CTCFL: variants seen among roughly 807,000 people sequenced by gnomAD.
CTCFL encodes the protein transcriptional repressor CTCFL.
A neutral mutation model predicts 67.4 loss-of-function variants in CTCFL; 36 were observed. That is an observed-to-expected ratio of 0.53 (90% CI 0.41 to 0.71). The LOEUF (loss-of-function observed/expected upper bound fraction) is 0.71. CTCFL is among the 30% of genes least tolerant of loss of function. The pLI, the probability that CTCFL is intolerant of heterozygous loss-of-function variation, is 0.00. For missense variants in CTCFL, 786 were observed against 835.2 expected (o/e 0.94, Z 0.73); for synonymous variants, 324 against 302.3 (o/e 1.07, Z -0.75).
rs545393927 is a variant in CTCFL at position 57,504,155 on chromosome 20, T to C, written c.1675-554A>G. The stretch of plus-strand genomic sequence containing the variant: ...CCACGCCCGGCTGATTTTTTATATT[T>C]TTAGTAGAGACGGGGTTTCACCGTG... On this transcript the variant is annotated intron_variant, in intron 9 of 10. Transcript: ENST00000243914. Among the ~76,000 whole-genome samples, 11 of 151,856 alleles carry C rather than the reference T, an allele frequency of 7.2e-5. No homozygotes were observed. In the East Asian group the frequency reaches 1.9e-3, roughly 27 times the overall value.
chr20:57,501,329 A>T (rs1277227002), intron 10 of CTCFL, among the ~76,000 whole-genome samples: 1 of 148,938 alleles, frequency 6.7e-6, no homozygotes, highest in Non-Finnish European at 1.5e-5. Flanking sequence ...TTTTCTGAAG[A>T]TACGGAGCAT....
chr20:57,505,317 A>T (rs4811866), intron 9 of CTCFL, among the ~76,000 whole-genome samples: 1 of 151,384 alleles, frequency 6.6e-6, no homozygotes, highest in Admixed American at 6.6e-5. Flanking sequence ...GTGCAGTGGC[A>T]CGATCTCTGC....
chr20:57,519,214 G>A lies in CTCFL; in HGVS notation c.918C>T (p.Thr306=), dbSNP rs1371478505. The A allele has an allele frequency of 1.9e-6, 3 of 1,613,896 alleles. No individual in the cohort carries two copies. Among genetic ancestry groups the A allele is most frequent in the Non-Finnish European group, 2.5e-6 (3 of 1,179,950 alleles). ...TVTLLRNHVN[T]HTGTRPYKCN... is the part of the protein sequence containing the mutation. The stretch of plus-strand genomic sequence containing the variant: ...CCTTCCCGGCAGTTTTACCTGTGTG[G>A]GTGTTAACATGGTTCCGCAGCAGAG... The change falls in exon 4 of 11, where the codon ACC becomes ACT. Residue 306 remains threonine (T), a synonymous_variant. Transcript: ENST00000243914.
chr20:57,512,646 A>G lies in CTCFL; in HGVS notation c.1437T>C (p.Thr479=), dbSNP rs2068636858. 2 of 1,614,206 alleles carry G rather than the reference A, an allele frequency of 1.2e-6. No homozygotes were observed. The highest frequency in any genetic ancestry group is 1.7e-6 in the Non-Finnish European group (2 of 1,180,018). ...ERYALIQHQK[T]HKNEKRFKCK... is the part of the protein sequence containing the mutation. ...ACTTGAACCTCTTCTCATTCTTATG[A>G]GTTTTCTGGTGCTGAATGAGGGCAT... is the stretch of plus-strand genomic sequence containing the variant. Residue 479 remains threonine (T), a synonymous_variant, in exon 8 of 11, where the codon ACT becomes ACC. Transcript: ENST00000243914.
intron 8 of CTCFL, among the ~76,000 whole-genome samples, chr20:57,510,323 T>TA (rs2068467770): frequency 6.6e-6 from 1 of 152,230 alleles, no homozygotes; most frequent in African/African-American, 2.4e-5. Flanking sequence ...GGGGAATTCT[T>TA]AAGTGTTTTT....
intron 5 of CTCFL, among the ~76,000 whole-genome samples, chr20:57,516,467 G>A (rs1371497191): frequency 1.3e-5 from 2 of 152,150 alleles, no homozygotes; most frequent in Non-Finnish European, 2.9e-5. Context: ...AGCCTGGGAG[G>A]CTGAGGCCGC....
chr20:57,500,069 C>T (rs1339006347), intron 10 of CTCFL: 1 of 984,348 alleles, frequency 1.0e-6, no homozygotes, highest in Admixed American at 6.2e-5. Context: ...TATTTTTGTC[C>T]ATGCTTCCTT....
chr20:57,513,793 G>T, intron 7 of CTCFL: 1 of 1,269,110 alleles, frequency 7.9e-7, no homozygotes. Flanking sequence ...TTTTTGTTCT[G>T]CTAACATATT....
downstream of CTCFL, among the ~76,000 whole-genome samples, chr20:57,496,847 C>T (rs151016183): frequency 3.9e-5 from 6 of 152,270 alleles, no homozygotes; most frequent in East Asian, 9.7e-4. Flanking sequence ...CCCATTCACC[C>T]GTCCATGGAA....
intron 10 of CTCFL, among the ~76,000 whole-genome samples, chr20:57,500,677 G>T (rs1045904223): frequency 2.0e-5 from 3 of 152,100 alleles, no homozygotes; most frequent in Non-Finnish European, 4.4e-5. Context: ...TATGAAAAAA[G>T]TTTGTATATG....
In CTCFL at chr20:57,497,814, T is replaced by G; in HGVS notation, c.*736A>C. 1 of 985,302 alleles carries G rather than the reference T, an allele frequency of 1.0e-6. No homozygotes were observed. The highest frequency in any genetic ancestry group is 1.2e-6 in the Non-Finnish European group (1 of 829,846). 61.0% of individuals were successfully genotyped at this position (985,302 alleles called of 1,614,324 possible). On this transcript the variant is annotated 3_prime_UTR_variant, in exon 11 of 11. Transcript: ENST00000243914. ...CAATAATGGAATGTAACCAGGGCAA[T>G]TTCATACCTGCCAAGGAGCATAATT... is the stretch of plus-strand genomic sequence containing the variant.
At position 57,523,215 on chromosome 20, in the gene CTCFL, C is replaced by CA; in HGVS notation, c.606dup (p.Val203CysfsTer8). ...CTTTCATCTCCTGACATTGTTTCCACAAAAAAGAGCTGCTCCTTTGTTCTT... is the reference window on the plus strand; with the variant it reads ...CTTTCATCTCCTGACATTGTTTCCACAAAAAAAGAGCTGCTCCTTTGTTCTT... On this transcript the variant is annotated frameshift_variant, in exon 3 of 11. Coordinates refer to ENST00000243914, the MANE Select transcript of CTCFL (RefSeq NM_001386993.1). LOFTEE classifies it high-confidence loss of function. The CA allele has an allele frequency of 6.2e-7, 1 of 1,613,766 alleles. No homozygotes were observed.
chr20:57,511,781 C>T (rs887949196), intron 8 of CTCFL, among the ~76,000 whole-genome samples: 39 of 152,102 alleles, frequency 2.6e-4, no homozygotes, highest in Admixed American at 1.4e-3. Context: ...TTAATAGAAA[C>T]GGGGTTTCAC....
intron 9 of CTCFL, among the ~76,000 whole-genome samples, chr20:57,504,496 G>A (rs2068092726): frequency 6.6e-6 from 1 of 150,888 alleles, no homozygotes; most frequent in Admixed American, 6.6e-5. Flanking sequence ...GGCCAGGCTG[G>A]ACTCAAAACT....
At chr20:57,513,622 G>T in intron 7 of CTCFL, 2 of 1,166,450 alleles carry the variant, frequency 1.7e-6, no homozygotes, top group Non-Finnish European at 2.1e-6. Flanking sequence ...AAGCCCCACT[G>T]GACTGTGTTT....
At chr20:57,496,095 G>C (rs528066282), downstream of CTCFL, 14 of 400,958 alleles carry the variant, frequency 3.5e-5, no homozygotes, top group Non-Finnish European at 6.2e-5. Flanking sequence ...CAGTGTTGGA[G>C]GTGGGGCCTG....
chr20:57,524,714 G>A (rs2069727090), intron 1 of CTCFL: 3 of 996,988 alleles, frequency 3.0e-6, no homozygotes, highest in South Asian at 4.4e-5. Flanking sequence ...GCCCGAGCAG[G>A]CATTCCCCTC....
At position 57,497,840 on chromosome 20, in the gene CTCFL, A is replaced by G; in HGVS notation, c.*710T>C. ...TTCATACCTGCCAAGGAGCATAATT[A>G]AAAGAGAATACAAAAATCTAAAGGT... is the stretch of plus-strand genomic sequence containing the variant. On this transcript the variant is annotated 3_prime_UTR_variant, in exon 11 of 11. Transcript: ENST00000243914. The G allele has an allele frequency of 1.0e-6, 1 of 985,180 alleles. No homozygotes were observed. Among genetic ancestry groups the G allele is most frequent in the Non-Finnish European group, 1.2e-6 (1 of 829,644 alleles). 61.0% of individuals were successfully genotyped at this position (985,180 alleles called of 1,614,324 possible).
intron 9 of CTCFL, chr20:57,507,107 G>A (rs1235193914): frequency 2.8e-5 from 26 of 937,704 alleles, no homozygotes; most frequent in Non-Finnish European, 3.3e-5. Flanking sequence ...GAAATTCTTT[G>A]ATGCTGTTCC....
Sources: gnomAD v4.1 joint callset for allele counts (sites outside exome capture counted in the v4.1 genomes callset) on GRCh38, gnomAD v4.1.1 for gene constraint, MANE v1.5 for transcripts, NCBI Gene and HGNC (gene_info 2026-07-23, HGNC 2026-07-21) for gene names.